Variants in OR6C2 observed in about 807,000 individuals in gnomAD.
The protein encoded by OR6C2 is olfactory receptor 6C2.
For missense variants in OR6C2, 435 were observed against 365.8 expected, an observed-to-expected ratio of 1.19 and a Z score of -1.54; for synonymous variants, 146 against 134.2, an observed-to-expected ratio of 1.09 and a Z score of -0.61.
chr12:55,445,114 C>G (rs1592296340), intron 1 of OR6C2, among the ~76,000 whole-genome samples: 1 of 152,082 alleles, frequency 6.6e-6, no homozygotes, highest in Admixed American at 6.6e-5. Flanking sequence ...TCTTGAAAAA[C>G]CTTGAGAGTT....
intron 1 of OR6C2, 111 bp from the exon 2 acceptor site, chr12:55,451,216 T>C (rs1871462593): frequency 6.6e-6 from 1 of 152,026 alleles, no homozygotes; most frequent in Non-Finnish European, 1.5e-5. Flanking sequence ...AATTAAGTTA[T>C]TATTGACTAT....
chr12:55,449,538 A>G (rs1221263087), intron 1 of OR6C2, among the ~76,000 whole-genome samples: 1 of 151,928 alleles, frequency 6.6e-6, no homozygotes, highest in Non-Finnish European at 1.5e-5. Context: ...GGGTATATCC[A>G]TGCATATAAT....
intron 1 of OR6C2, among the ~76,000 whole-genome samples, chr12:55,447,407 G>A (rs1369786559): frequency 6.6e-6 from 1 of 151,370 alleles, no homozygotes; most frequent in African/African-American, 2.4e-5. Context: ...TTAACTATAG[G>A]CACCATGTTG....
chr12:55,448,665 A>AAAAAAAAAAAG lies in OR6C2; in HGVS notation c.-887-2659_-887-2658insAAAAAAAGAAA, dbSNP rs1340486558. Among the ~76,000 whole-genome samples the AAAAAAAAAAAG allele has an allele frequency of 6.1e-5, 9 of 147,008 alleles. No homozygotes were observed. In the East Asian group the frequency reaches 1.7e-3, roughly 27 times the overall value. ...CTGCAAAAAAAAAAAAAAAAGAAAG[A>AAAAAAAAAAAG]AAAGAAAAGAAAAAAGAAATATACT... On this transcript the variant is annotated intron_variant, in intron 1 of 1. Coordinates refer to ENST00000641202, the MANE Select transcript of OR6C2 (RefSeq NM_054105.2).
At chr12:55,446,423 C>A (rs1414340982) in intron 1 of OR6C2, among the ~76,000 whole-genome samples, 1 of 152,134 alleles carries the variant, frequency 6.6e-6, no homozygotes, top group East Asian at 1.9e-4. Flanking sequence ...AGCCACCGCG[C>A]CCGGCCAGTG....
chr12:55,446,205 A>C (rs963386282), intron 1 of OR6C2, among the ~76,000 whole-genome samples: 2 of 151,840 alleles, frequency 1.3e-5, no homozygotes, highest in African/African-American at 4.8e-5. Flanking sequence ...GCTGGAGTGC[A>C]ATGGCGAGAT....
intron 1 of OR6C2, among the ~76,000 whole-genome samples, chr12:55,446,445 G>A (rs1272028875): frequency 6.6e-6 from 1 of 152,094 alleles, no homozygotes; most frequent in African/African-American, 2.4e-5. Flanking sequence ...TAATTTTAGT[G>A]TAAATTAAAT....
rs1163493932 is a variant in OR6C2 at position 55,452,542 on chromosome 12, T to G, written c.329T>G (p.Phe110Cys). The change falls in exon 2 of 2, where the codon TTT (phenylalanine) becomes TGT (cysteine). Residue 110 changes from phenylalanine (F) to cysteine (C), a missense_variant. Transcript: ENST00000641202. ...FFVILFGATEFFLLAAMSYDR... is the reference protein window; with the variant it reads ...FFVILFGATECFLLAAMSYDR... Reference sequence around the variant, plus strand: ...GTTATTCTCTTTGGAGCAACAGAATTTTTTCTCTTGGCAGCCATGTCCTAT... The same window carrying G: ...GTTATTCTCTTTGGAGCAACAGAATGTTTTCTCTTGGCAGCCATGTCCTAT... The G allele has an allele frequency of 6.2e-7, 1 of 1,613,778 alleles. No individual in the cohort carries two copies. Among genetic ancestry groups the G allele is most frequent in the East Asian group, 2.2e-5 (1 of 44,888 alleles).
chr12:55,445,332 A>G (rs1314300123), intron 1 of OR6C2, among the ~76,000 whole-genome samples: 1 of 152,194 alleles, frequency 6.6e-6, no homozygotes, highest in Non-Finnish European at 1.5e-5. Flanking sequence ...ATCACATGGG[A>G]TTTTATGAAG....
intron 1 of OR6C2, among the ~76,000 whole-genome samples, chr12:55,448,136 A>G (rs1179218329): frequency 2.0e-5 from 3 of 151,898 alleles, no homozygotes; most frequent in Non-Finnish European, 4.4e-5. Flanking sequence ...GGCCACTCAT[A>G]AGTCTTCTTT....
At chr12:55,451,133 G>T (rs552574731) in intron 1 of OR6C2, among the ~76,000 whole-genome samples, 194 bp from the exon 2 acceptor site, 3 of 152,050 alleles carry the variant, frequency 2.0e-5, no homozygotes. Flanking sequence ...AGAATGAGTT[G>T]TCCATCCCCT....
rs1871479786 is a variant in OR6C2, at chr12:55,451,868, A to G, written c.-346A>G. 1 of 194,966 alleles carries G rather than the reference A, an allele frequency of 5.1e-6. No individual in the cohort carries two copies. Among genetic ancestry groups the G allele is most frequent in the Non-Finnish European group, 1.0e-5 (1 of 96,396 alleles). The allele number at this position is 194,966 out of a possible 1,614,324, so 12.1% of individuals were successfully genotyped here. A position where few individuals can be genotyped will look rare whatever the true frequency, so the allele number is the denominator to read the frequency against. On this transcript the variant is annotated 5_prime_UTR_variant, in exon 2 of 2. Coordinates refer to ENST00000641202, the MANE Select transcript of OR6C2 (RefSeq NM_054105.2). Reference sequence around the variant, plus strand: ...CTGGACAAAAAATGTTTAAGTACCTATAAAATGACATCATTTCTTTCTAAC... The same window carrying G: ...CTGGACAAAAAATGTTTAAGTACCTGTAAAATGACATCATTTCTTTCTAAC...
intron 1 of OR6C2, among the ~76,000 whole-genome samples, chr12:55,450,476 A>G (rs1871446882): frequency 6.6e-6 from 1 of 152,124 alleles, no homozygotes; most frequent in Non-Finnish European, 1.5e-5. Flanking sequence ...AGTCCACATG[A>G]AAGTGATTAA....
chr12:55,447,451 TA>T (rs1685140928), intron 1 of OR6C2, among the ~76,000 whole-genome samples: 1 of 152,134 alleles, frequency 6.6e-6, no homozygotes. Flanking sequence ...TCATCCTGCA[TA>T]ACTGAAACTT....
In OR6C2 at chr12:55,452,569, A is replaced by T. The variant is rs1871501140; in HGVS notation, c.356A>T (p.Asp119Val). 1 of 1,613,714 alleles carries T rather than the reference A, an allele frequency of 6.2e-7. No homozygotes were observed. Among genetic ancestry groups the T allele is most frequent in the African/African-American group, 1.3e-5 (1 of 74,906 alleles). Residue 119 changes from aspartate to valine, a missense_variant, in exon 2 of 2, where the codon GAC becomes GTC. Physicochemically the swap from Asp to Val is radical, Grantham distance 152 (BLOSUM62 -3). Coordinates refer to ENST00000641202, the MANE Select transcript of OR6C2 (RefSeq NM_054105.2). ...EFFLLAAMSY[D>V]RYVAICKPLH... ...TTTCTCTTGGCAGCCATGTCCTATG[A>T]CCGCTATGTGGCCATCTGTAAACCC...
intron 1 of OR6C2, among the ~76,000 whole-genome samples, chr12:55,445,173 C>T (rs773742211): frequency 3.9e-5 from 6 of 152,180 alleles, no homozygotes; most frequent in Non-Finnish European, 7.3e-5. Context: ...CTGACTGTGT[C>T]TTACTGGCCA....
In OR6C2 at chr12:55,453,166, T is replaced by A. The variant is rs1022251817; in HGVS notation, c.*14T>A. The stretch of plus-strand genomic sequence containing the variant: ...TCAAAGAAGTAGAAGCTGTGATGAA[T>A]TGGCATAAAGTGAATGAAGAAGGCT... On this transcript the variant is annotated 3_prime_UTR_variant, in exon 2 of 2. Transcript: ENST00000641202. The A allele has an allele frequency of 1.3e-6, 2 of 1,593,458 alleles. No homozygotes were observed. The highest frequency in any genetic ancestry group is 1.7e-6 in the Non-Finnish European group (2 of 1,164,510).
Position 55,452,159 on chromosome 12 carries a change from C to T in OR6C2, c.-55C>T. 8.9e-7 allele frequency: 1 copy of T among 1,122,940 alleles called. No individual in the cohort carries two copies. The highest frequency in any genetic ancestry group is 1.3e-6 in the Non-Finnish European group (1 of 783,940). The allele number at this position is 1,122,940 out of a possible 1,614,324, so 69.6% of individuals were successfully genotyped here. On this transcript the variant is annotated 5_prime_UTR_variant, in exon 2 of 2. Coordinates refer to ENST00000641202, the MANE Select transcript of OR6C2 (RefSeq NM_054105.2). Reference sequence around the variant, plus strand: ...TTTGCTATAGAATTCAAATATCTACCCCCTCATAAACCGTGATTTTTAAAG... The same window carrying T: ...TTTGCTATAGAATTCAAATATCTACTCCCTCATAAACCGTGATTTTTAAAG...
rs1592296732 is a variant in OR6C2, at chr12:55,446,389, C to T, written c.-888+2230C>T. ...GTCTTGAATGCCCGCCTTGGCCTCC[C>T]AAATTGCTGGGATTACAGTCATGAG... On this transcript the variant is annotated intron_variant, in intron 1 of 1. Coordinates refer to ENST00000641202, the MANE Select transcript of OR6C2 (RefSeq NM_054105.2). Among the ~76,000 whole-genome samples the T allele has an allele frequency of 2.0e-5, 3 of 151,560 alleles. No individual in the cohort carries two copies. The South Asian group carries it at 6.3e-4, about 32-fold the overall frequency.
Sources: allele counts gnomAD v4.1 joint callset (sites outside exome capture counted in the v4.1 genomes callset), GRCh38; gene constraint gnomAD v4.1.1; transcripts MANE v1.5; gene names NCBI Gene and HGNC (gene_info 2026-07-23, HGNC 2026-07-21).